The following ASXL2 variants were observed in gnomAD, a reference collection of about 807,000 sequenced individuals.
ASXL2 encodes putative Polycomb group protein ASXL2.
A neutral mutation model predicts 122.0 loss-of-function variants in ASXL2; 23 were observed. That is an observed-to-expected ratio of 0.19 (90% CI 0.14 to 0.27). ASXL2 has a LOEUF of 0.27. Ranked by LOEUF, ASXL2 falls within the 10% of genes least tolerant of loss-of-function variation. ASXL2 has a pLI of 1.00. For missense variants in ASXL2, 1,518 were observed against 1,713.8 expected, an observed-to-expected ratio of 0.89 and a Z score of 2.02; for synonymous variants, 650 against 637.0, an observed-to-expected ratio of 1.02 and a Z score of -0.31.
chr2:25,815,487 A>C lies in ASXL2; in HGVS notation c.144-9150T>G, dbSNP rs548988067. On this transcript the variant is annotated intron_variant, in intron 3 of 12. Transcript: ENST00000435504. ...GCCACTTCTATGTTCTATAAATCCTATACTTCTCTGAAACACATATTTATA... is the reference window on the plus strand; with the variant it reads ...GCCACTTCTATGTTCTATAAATCCTCTACTTCTCTGAAACACATATTTATA... Among the ~76,000 whole-genome samples the C allele has an allele frequency of 1.7e-4, 26 of 152,098 alleles. No individual in the cohort carries two copies. In the South Asian group the frequency reaches 4.4e-3, roughly 25 times the overall value.
rs1432015161 is a variant in ASXL2, at chr2:25,743,045, C to T, written c.3292G>A (p.Glu1098Lys). 6.2e-7 allele frequency: 1 copy of T among 1,613,876 alleles called. No homozygotes were observed. Among genetic ancestry groups the T allele is most frequent in the African/African-American group, 1.3e-5 (1 of 74,906 alleles). Residue 1098 changes from glutamate to lysine, a missense_variant, in exon 13 of 13, where the codon GAA (glutamate) becomes AAA (lysine). This residue lies in a region of ASXL2 where 831 missense variants were observed against 833.1 expected (regional missense o/e 1.00). Coordinates refer to ENST00000435504, the MANE Select transcript of ASXL2 (RefSeq NM_018263.6). ...FNFAHSGFQL[E>K]DISTSQRFML... ...AACCTCTGGCTTGTGGAGATGTCTT[C>T]CAGCTGGAAACCTGAGTGAGCGAAG...
intron 3 of ASXL2, among the ~76,000 whole-genome samples, chr2:25,833,076 A>T (rs1359276926): frequency 6.6e-6 from 1 of 152,178 alleles, no homozygotes; most frequent in Admixed American, 6.5e-5. Flanking sequence ...AACACAAGGG[A>T]TATTTGTTGA....
chr2:25,876,872 A>G (rs1011101327), intron 1 of ASXL2, among the ~76,000 whole-genome samples: 4 of 152,238 alleles, frequency 2.6e-5, no homozygotes, highest in Non-Finnish European at 4.4e-5. Flanking sequence ...CTAATGCATA[A>G]AGTTTACAAA....
At chr2:25,753,931 G>T (rs2088089400) in intron 10 of ASXL2, among the ~76,000 whole-genome samples, 1 of 152,118 alleles carries the variant, frequency 6.6e-6, no homozygotes, top group Non-Finnish European at 1.5e-5. Flanking sequence ...ACTCCATACA[G>T]ATTTATTTTA....
chr2:25,843,327 C>T (rs909882656), intron 2 of ASXL2, among the ~76,000 whole-genome samples: 1 of 148,466 alleles, frequency 6.7e-6, no homozygotes, highest in Non-Finnish European at 1.5e-5. Flanking sequence ...AAAATAGAGA[C>T]GGGGTTTTAC....
At chr2:25,800,663 A>G (rs891651800) in intron 4 of ASXL2, among the ~76,000 whole-genome samples, 8 of 152,152 alleles carry the variant, frequency 5.3e-5, no homozygotes, top group Non-Finnish European at 1.0e-4. Flanking sequence ...AAGACTAGAA[A>G]ACAAGACTTC....
chr2:25,806,122 T>C (rs2149174340), intron 4 of ASXL2, 107 bp downstream of exon 4: 7 of 671,836 alleles, frequency 1.0e-5, no homozygotes, highest in Non-Finnish European at 1.8e-5. Flanking sequence ...TACCTCTTCC[T>C]GAAAATAAGC....
intron 3 of ASXL2, among the ~76,000 whole-genome samples, chr2:25,809,050 T>C (rs1348735629): frequency 6.6e-6 from 1 of 152,220 alleles, no homozygotes; most frequent in East Asian, 1.9e-4. Flanking sequence ...ATTTCTCTGA[T>C]ACAAAGTACA....
chr2:25,770,705 CAA>C (rs1338824901), intron 6 of ASXL2, among the ~76,000 whole-genome samples: 1 of 151,578 alleles, frequency 6.6e-6, no homozygotes. Flanking sequence ...CACTAGGCAA[CAA>C]GAGCGAAACT....
At chr2:25,802,499 T>C (rs1004080634) in intron 4 of ASXL2, among the ~76,000 whole-genome samples, 1 of 152,186 alleles carries the variant, frequency 6.6e-6, no homozygotes, top group African/African-American at 2.4e-5. Context: ...TATTATTTGG[T>C]CCTTGATCCC....
At chr2:25,784,700 T>A (rs2088708913) in intron 5 of ASXL2, among the ~76,000 whole-genome samples, 1 of 152,214 alleles carries the variant, frequency 6.6e-6, no homozygotes, top group Non-Finnish European at 1.5e-5. Context: ...CTCGTCTCCA[T>A]CGTCACACGG....
At chr2:25,782,054 C>A (rs1190745606) in intron 5 of ASXL2, among the ~76,000 whole-genome samples, 1 of 148,016 alleles carries the variant, frequency 6.8e-6, no homozygotes, top group African/African-American at 2.5e-5. Context: ...GATCCTCCTG[C>A]CCTACCCTCC....
intron 1 of ASXL2, among the ~76,000 whole-genome samples, chr2:25,858,088 A>G (rs112431092): frequency 1.3e-3 from 203 of 152,276 alleles, no homozygotes; most frequent in African/African-American, 4.7e-3. Context: ...ACTACATTCA[A>G]TGCTGAATAC....
At chr2:25,840,126 T>G (rs1228354636) in intron 2 of ASXL2, among the ~76,000 whole-genome samples, 2 of 152,136 alleles carry the variant, frequency 1.3e-5, no homozygotes, top group Non-Finnish European at 2.9e-5. Context: ...TTTAAGGACC[T>G]TTTTCTTATT....
chr2:25,868,767 A>G (rs2089930685), intron 1 of ASXL2, among the ~76,000 whole-genome samples: 1 of 152,176 alleles, frequency 6.6e-6, no homozygotes, highest in Non-Finnish European at 1.5e-5. Flanking sequence ...AATGGCTCAC[A>G]CCTGTAATCC....
In ASXL2 at chr2:25,753,643, C is replaced by A; in HGVS notation, c.1037-4G>T. The A allele has an allele frequency of 1.3e-6, 2 of 1,594,276 alleles. No homozygotes were observed. The highest frequency in any genetic ancestry group is 1.3e-5 in the African/African-American group (1 of 74,224). On this transcript the variant is annotated splice_polypyrimidine_tract_variant and splice_region_variant and intron_variant, in intron 10 of 12. Coordinates refer to ENST00000435504, the MANE Select transcript of ASXL2 (RefSeq NM_018263.6). ...TGCATCTCAGGTGTAAACTCACCTG[C>A]AATGTACCCAAAAAAGGATATTCAA...
At chr2:25,849,414 C>T (rs1311366432) in intron 1 of ASXL2, among the ~76,000 whole-genome samples, 5 of 130,144 alleles carry the variant, frequency 3.8e-5, no homozygotes, top group South Asian at 2.3e-4. Flanking sequence ...GACAGCGCCA[C>T]GGTACTCTAG....
At chr2:25,832,419 C>T (rs1041780284) in intron 3 of ASXL2, among the ~76,000 whole-genome samples, 1 of 151,990 alleles carries the variant, frequency 6.6e-6, no homozygotes, top group African/African-American at 2.4e-5. Context: ...AAATATGATC[C>T]ATGAGGAAGT....
chr2:25,817,310 TCTA>T (rs1377891447), intron 3 of ASXL2, among the ~76,000 whole-genome samples: 3 of 152,344 alleles, frequency 2.0e-5, no homozygotes, highest in South Asian at 4.1e-4. Flanking sequence ...GTAAATGTTT[TCTA>T]CTTTTTTCAA....
Sources: gnomAD v4.1 joint callset for allele counts (sites outside exome capture counted in the v4.1 genomes callset) on GRCh38, gnomAD v4.1.1 for gene constraint, gnomAD v4.1.1 regional missense constraint, MANE v1.5 for transcripts, NCBI Gene and HGNC (gene_info 2026-07-23, HGNC 2026-07-21) for gene names.